Variants in GNAO1 observed in about 807,000 individuals in gnomAD.
GNAO1 encodes the protein guanine nucleotide-binding protein G(o) subunit alpha.
For synonymous variants in GNAO1, 164 were observed against 180.7 expected (o/e 0.91, Z 0.74); for missense variants, 166 against 478.7 (o/e 0.35, Z 6.10).
intron 3 of GNAO1, among the ~76,000 whole-genome samples, chr16:56,290,434 G>C (rs572938477): frequency 9.2e-5 from 14 of 152,326 alleles, no homozygotes; most frequent in African/African-American, 3.4e-4. Context: ...TGGTAGAGCT[G>C]TTCTTGATCC....
chr16:56,316,454 G>T (rs544497980), intron 3 of GNAO1, among the ~76,000 whole-genome samples: 1 of 152,276 alleles, frequency 6.6e-6, no homozygotes, highest in Admixed American at 6.5e-5. Flanking sequence ...GCTGTCCTAA[G>T]TTTAACCTTC....
chr16:56,255,384 T>TA, intron 2 of GNAO1: 1 of 152,208 alleles, frequency 6.6e-6, no homozygotes, highest in East Asian at 1.9e-4. Context: ...GTGTTTCCTC[T>TA]AAAAAATGAT....
chr16:56,355,125 T>TACACACACACACACACACACACAC, intron 8 of GNAO1, 44 bp downstream of exon 8: 1 of 555,442 alleles, frequency 1.8e-6, no homozygotes, highest in South Asian at 2.7e-5. Context: ...TGCGCGCGCA[T>TACACACACACACACACACACACAC]ACACACACAC....
chr16:56,234,098 A>G (rs1049694015), intron 2 of GNAO1, among the ~76,000 whole-genome samples: 15 of 152,172 alleles, frequency 9.9e-5, no homozygotes, highest in African/African-American at 2.9e-4. Flanking sequence ...AAACACCCAC[A>G]CCCACTTTGT....
At chr16:56,349,853 T>C (rs2037905127) in intron 6 of GNAO1, among the ~76,000 whole-genome samples, 1 of 152,164 alleles carries the variant, frequency 6.6e-6, no homozygotes, top group Admixed American at 6.5e-5. Context: ...GGGGAGATAC[T>C]GAAGGGAGGA....
intron 3 of GNAO1, 139 bp downstream of exon 3, chr16:56,276,211 C>A: frequency 2.9e-6 from 2 of 697,968 alleles, no homozygotes; most frequent in Non-Finnish European, 4.5e-6. Context: ...GTGGCACAGT[C>A]ACCAACCTAA....
At chr16:56,345,927 G>A (rs1226512288) in intron 6 of GNAO1, 1 of 985,438 alleles carries the variant, frequency 1.0e-6, no homozygotes, top group East Asian at 1.1e-4. Flanking sequence ...CTGGGCTGGA[G>A]GGCTCTCCAT....
intron 2 of GNAO1, among the ~76,000 whole-genome samples, chr16:56,217,249 G>A (rs1008349815): frequency 3.3e-5 from 5 of 152,136 alleles, no homozygotes; most frequent in African/African-American, 7.2e-5. Flanking sequence ...ACCATCTATC[G>A]TGAGCCCTCT....
chr16:56,332,826 C>T (rs375780641), intron 4 of GNAO1, among the ~76,000 whole-genome samples: 2 of 152,378 alleles, frequency 1.3e-5, no homozygotes, highest in South Asian at 2.1e-4. Context: ...CGCTTCCAGG[C>T]TGGTGTCCAG....
chr16:56,280,743 G>A (rs977140621), intron 3 of GNAO1, among the ~76,000 whole-genome samples: 9 of 152,276 alleles, frequency 5.9e-5, no homozygotes, highest in Non-Finnish European at 1.2e-4. Flanking sequence ...TTAATTGGCT[G>A]TTGGAAAAGG....
intron 6 of GNAO1, chr16:56,348,184 A>T: frequency 1.0e-6 from 1 of 984,664 alleles, no homozygotes; most frequent in Non-Finnish European, 1.2e-6. Context: ...GTTAATAAAA[A>T]GTGCCCGCTT....
rs756220426 is a variant in GNAO1 at position 56,343,999 on chromosome 16, C to T, written c.723+7139C>T. The T allele has an allele frequency of 3.1e-6, 5 of 1,598,600 alleles. No individual in the cohort carries two copies. The South Asian group carries it at 3.3e-5, about 11-fold the overall frequency. On this transcript the variant is annotated intron_variant, in intron 6 of 8. Coordinates refer to ENST00000262493, the MANE Select transcript of GNAO1 (RefSeq NM_020988.3). ...CTTGCCCTGCCTGGCCTGCCGCCCC[C>T]CCTCCCCTGGAACCAGGCTCCACCA...
intron 2 of GNAO1, among the ~76,000 whole-genome samples, chr16:56,240,091 T>G (rs1213053458): frequency 6.6e-6 from 1 of 152,164 alleles, no homozygotes; most frequent in Non-Finnish European, 1.5e-5. Context: ...TAACACACCC[T>G]GGATTTAGGG....
At chr16:56,263,365 C>T (rs1474329088) in intron 2 of GNAO1, among the ~76,000 whole-genome samples, 2 of 152,204 alleles carry the variant, frequency 1.3e-5, no homozygotes, top group African/African-American at 4.8e-5. Context: ...TCGCCATGTA[C>T]CAAGCTCTGC....
At chr16:56,325,298 G>T (rs2037620165) in intron 3 of GNAO1, among the ~76,000 whole-genome samples, 1 of 152,208 alleles carries the variant, frequency 6.6e-6, no homozygotes, top group South Asian at 2.1e-4. Flanking sequence ...CCAACATGGA[G>T]AAACCCCATC....
At chr16:56,231,890 A>G (rs1813644901) in intron 2 of GNAO1, among the ~76,000 whole-genome samples, 1 of 152,142 alleles carries the variant, frequency 6.6e-6, no homozygotes, top group South Asian at 2.1e-4. Context: ...TGGTCCCAGG[A>G]GAAGGTGCAC....
At chr16:56,252,069 C>T (rs998679023) in intron 2 of GNAO1, among the ~76,000 whole-genome samples, 3 of 152,188 alleles carry the variant, frequency 2.0e-5, no homozygotes, top group South Asian at 2.1e-4. Context: ...ATCATCCTCC[C>T]GCCCTCAAAG....
chr16:56,260,516 T>C (rs1480430949), intron 2 of GNAO1, among the ~76,000 whole-genome samples: 2 of 152,128 alleles, frequency 1.3e-5, no homozygotes, highest in African/African-American at 4.8e-5. Flanking sequence ...CCTGCTGGCC[T>C]CTCAGACTGC....
chr16:56,310,625 G>A (rs1432932243), intron 3 of GNAO1, among the ~76,000 whole-genome samples: 2 of 152,104 alleles, frequency 1.3e-5, no homozygotes, highest in African/African-American at 4.8e-5. Context: ...CATTAGAAGA[G>A]GGACCGTACT....
Sources: gnomAD v4.1 joint callset for allele counts (sites outside exome capture counted in the v4.1 genomes callset) on GRCh38, gnomAD v4.1.1 for gene constraint, MANE v1.5 for transcripts, NCBI Gene and HGNC (gene_info 2026-07-23, HGNC 2026-07-21) for gene names.